The following SPIDR variants were observed in gnomAD, a reference collection of about 807,000 sequenced individuals.
The protein encoded by SPIDR is scaffold protein involved in DNA repair, also known as DNA repair-scaffolding protein.
In SPIDR, 93 loss-of-function variants were observed where a neutral mutation model predicts 104.6. The ratio of observed to expected loss-of-function variants is 0.89; its 90% CI spans 0.75 to 1.06. SPIDR has a LOEUF of 1.06. Among genes scored for constraint, SPIDR ranks in the 50% least tolerant of loss-of-function variants. SPIDR has a pLI of 0.00. For missense variants in SPIDR, 1,154 were observed against 1,111.2 expected, an observed-to-expected ratio of 1.04 and a Z score of -0.55; for synonymous variants, 431 against 416.9, an observed-to-expected ratio of 1.03 and a Z score of -0.41.
intron 5 of SPIDR, among the ~76,000 whole-genome samples, chr8:47,390,088 C>T (rs371012937): frequency 6.6e-6 from 1 of 152,222 alleles, no homozygotes; most frequent in East Asian, 1.9e-4. Context: ...ACATTTCACA[C>T]CCATCAGATA....
In SPIDR at chr8:47,729,420, G is replaced by A. The variant is rs1003960038; in HGVS notation, c.2559G>A (p.Gln853=). Residue 853 remains glutamine (Q), a synonymous_variant, in exon 19 of 20, where the codon CAG becomes CAA. Transcript: ENST00000297423. ...PQCRVKVKLL[Q]RSISSLLRFA... ...TGCTTCTGCTGTTGCAGCTGTTGCA[G>A]CGCAGCATTTCCTCCCTGCTGAGGT... 1.9e-6 allele frequency: 3 copies of A among 1,594,540 alleles called. No homozygotes were observed. The highest frequency in any genetic ancestry group is 1.7e-5 in the Admixed American group (1 of 57,268).
Position 47,729,025 on chromosome 8 carries a change from C to A in SPIDR, c.2528C>A (p.Pro843Gln). Residue 843 changes from proline to glutamine, a missense_variant, in exon 18 of 20, where the codon CCG becomes CAG. By Grantham distance (76) the Pro-to-Gln change is moderately conservative (BLOSUM62 -1). Coordinates refer to ENST00000297423, the MANE Select transcript of SPIDR (RefSeq NM_001080394.4). ...LQVFLDCRSRPQCRVKVKLLQ... is the reference protein window; with the variant it reads ...LQVFLDCRSRQQCRVKVKLLQ... The stretch of plus-strand genomic sequence containing the variant: ...GTCTTCCTGGACTGCCGCTCAAGAC[C>A]GCAGTGCAGAGTGAAGGTCAAGGTA... 1.2e-6 allele frequency: 2 copies of A among 1,613,996 alleles called. No individual in the cohort carries two copies. Among genetic ancestry groups the A allele is most frequent in the Non-Finnish European group, 1.7e-6 (2 of 1,180,038 alleles).
chr8:47,339,968 C>G (rs968001556), intron 5 of SPIDR, among the ~76,000 whole-genome samples: 6 of 151,880 alleles, frequency 4.0e-5, no homozygotes, highest in Non-Finnish European at 8.8e-5. Context: ...CGTGAGCCAC[C>G]GCGCCTGGAC....
intron 10 of SPIDR, among the ~76,000 whole-genome samples, chr8:47,617,265 G>A (rs2064455336): frequency 6.6e-6 from 1 of 152,122 alleles, no homozygotes; most frequent in African/African-American, 2.4e-5. Flanking sequence ...TAATGCCTGG[G>A]AGGTGAAGCT....
At chr8:47,678,316 A>T (rs1047350963) in intron 11 of SPIDR, among the ~76,000 whole-genome samples, 3 of 152,194 alleles carry the variant, frequency 2.0e-5, no homozygotes, top group African/African-American at 7.2e-5. Context: ...ATGGAGTAAG[A>T]CTGTCTACTC....
intron 10 of SPIDR, among the ~76,000 whole-genome samples, chr8:47,645,325 G>C (rs944003511): frequency 1.3e-5 from 2 of 152,120 alleles, no homozygotes; most frequent in Non-Finnish European, 1.5e-5. Context: ...ATCAGATGTG[G>C]GATGATAGGA....
intron 6 of SPIDR, among the ~76,000 whole-genome samples, chr8:47,406,395 C>T (rs2154321410): frequency 6.6e-6 from 1 of 152,214 alleles, no homozygotes; most frequent in East Asian, 1.9e-4. Flanking sequence ...GTACCTACTT[C>T]ACGGTGTTGT....
At chr8:47,428,604 A>G (rs2066824397) in intron 7 of SPIDR, among the ~76,000 whole-genome samples, 1 of 152,228 alleles carries the variant, frequency 6.6e-6, no homozygotes, top group South Asian at 2.1e-4. Context: ...GTAACATGAA[A>G]CATTATTAAA....
At chr8:47,419,727 A>G (rs1418092448) in intron 7 of SPIDR, among the ~76,000 whole-genome samples, 1 of 151,522 alleles carries the variant, frequency 6.6e-6, no homozygotes, top group Non-Finnish European at 1.5e-5. Context: ...TTAATTTTAG[A>G]TCTTTCCTGC....
chr8:47,351,723 A>G (rs1163593206), intron 5 of SPIDR, among the ~76,000 whole-genome samples: 2 of 152,220 alleles, frequency 1.3e-5, no homozygotes, highest in Non-Finnish European at 2.9e-5. Context: ...ATTGAGTACT[A>G]CACTGAATGA....
At chr8:47,409,621 C>G (rs543240561) in intron 7 of SPIDR, among the ~76,000 whole-genome samples, 2 of 152,180 alleles carry the variant, frequency 1.3e-5, no homozygotes, top group African/African-American at 4.8e-5. Context: ...TTGATCTCCC[C>G]GTTCCCAATA....
intron 11 of SPIDR, among the ~76,000 whole-genome samples, chr8:47,691,384 C>T (rs779065445): frequency 8.6e-5 from 13 of 151,916 alleles, no homozygotes; most frequent in Non-Finnish European, 1.5e-4. Flanking sequence ...TAAGTTCCCA[C>T]ATCTATACGG....
At chr8:47,506,146 G>C (rs1417462866) in intron 8 of SPIDR, among the ~76,000 whole-genome samples, 1 of 152,294 alleles carries the variant, frequency 6.6e-6, no homozygotes, top group East Asian at 1.9e-4. Flanking sequence ...TCCAGGCGAG[G>C]CTTTCTAAGC....
chr8:47,291,835 C>A (rs1310768335), intron 4 of SPIDR, among the ~76,000 whole-genome samples: 2 of 152,150 alleles, frequency 1.3e-5, no homozygotes, highest in African/African-American at 4.8e-5. Flanking sequence ...AACGTACTGA[C>A]AAATTTCTAT....
intron 8 of SPIDR, among the ~76,000 whole-genome samples, chr8:47,441,200 C>T (rs1326075215): frequency 2.6e-5 from 4 of 152,070 alleles, no homozygotes; most frequent in Admixed American, 6.6e-5. Context: ...AATATTATTG[C>T]TGGATCAGTG....
intron 5 of SPIDR, among the ~76,000 whole-genome samples, chr8:47,372,395 T>C (rs1039952613): frequency 3.3e-5 from 5 of 152,066 alleles, no homozygotes; most frequent in African/African-American, 1.2e-4. Context: ...GAGTCTGAGG[T>C]GGGCGGATCA....
At chr8:47,357,892 G>T (rs2054879443) in intron 5 of SPIDR, 1 of 983,228 alleles carries the variant, frequency 1.0e-6, no homozygotes, top group Non-Finnish European at 1.2e-6. Flanking sequence ...ATACTGGAGA[G>T]CATTAAATAA....
chr8:47,621,954 G>C (rs571808901), intron 10 of SPIDR, among the ~76,000 whole-genome samples: 1 of 152,218 alleles, frequency 6.6e-6, no homozygotes, highest in Admixed American at 6.5e-5. Context: ...GACAGAGTGA[G>C]ATGGAGGGAA....
chr8:47,547,290 G>A (rs1274420093), intron 8 of SPIDR: 1 of 582,610 alleles, frequency 1.7e-6, no homozygotes, highest in Admixed American at 1.9e-5. Flanking sequence ...TGTCATAGAT[G>A]AGACGAAAAT....
Sources: allele counts gnomAD v4.1 joint callset (sites outside exome capture counted in the v4.1 genomes callset), GRCh38; gene constraint gnomAD v4.1.1; transcripts MANE v1.5; gene names NCBI Gene and HGNC (gene_info 2026-07-23, HGNC 2026-07-21).